Variants in DAPK2 observed in about 807,000 individuals in gnomAD.
DAPK2 encodes death-associated protein kinase 2.
A neutral mutation model predicts 44.1 loss-of-function variants in DAPK2; 35 were observed. The ratio of observed to expected loss-of-function variants is 0.79; its 90% CI spans 0.61 to 1.05. DAPK2 has a LOEUF of 1.05. Ranked by LOEUF, DAPK2 falls within the 50% of genes least tolerant of loss-of-function variation. The pLI, the probability that DAPK2 is intolerant of heterozygous loss-of-function variation, is 0.00. For synonymous variants in DAPK2, 174 were observed against 182.6 expected, an observed-to-expected ratio of 0.95 and a Z score of 0.38; for missense variants, 453 against 483.2, an observed-to-expected ratio of 0.94 and a Z score of 0.59.
chr15:63,939,170 C>T lies in DAPK2; in HGVS notation c.583+62G>A, dbSNP rs2077240436. On this transcript the variant is annotated intron_variant, in intron 4 of 10. Transcript: ENST00000261891. The surrounding 1 kb of genome is among the most constrained non-coding windows in gnomAD (Gnocchi z 4.3). ...CCATAGCCCCAGACACAGGTTTCTT[C>T]CCAGGATCCCTACCTTTGATGCCAG... 6.2e-7 allele frequency: 1 copy of T among 1,600,880 alleles called. No homozygotes were observed. Among genetic ancestry groups the T allele is most frequent in the Admixed American group, 1.7e-5 (1 of 58,456 alleles).
At position 63,990,142 on chromosome 15, in the gene DAPK2, G is replaced by T. The variant is rs539806687; in HGVS notation, c.93-6388C>A. ...AACTACCAGGGCCAAGCTGCTAAAG[G>T]CTTTGAAAGATCTATGGGCTGGGTG... On this transcript the variant is annotated intron_variant, in intron 1 of 10. Transcript: ENST00000261891. This position sits in a 1 kb window ranked among gnomAD's most constrained non-coding sequence, Gnocchi z 4.3. Among the ~76,000 whole-genome samples the T allele has an allele frequency of 6.6e-6, 1 of 152,134 alleles. No homozygotes were observed. The highest frequency in any genetic ancestry group is 1.5e-5 in the Non-Finnish European group (1 of 68,020).
intron 1 of DAPK2, among the ~76,000 whole-genome samples, chr15:64,045,365 C>T (rs552225635): frequency 6.6e-6 from 1 of 152,296 alleles, no homozygotes; most frequent in East Asian, 1.9e-4. Flanking sequence ...CAAGGCACCA[C>T]GGCCTCTTAG....
intron 10 of DAPK2, 91 bp downstream of exon 11, chr15:63,911,816 AC>A: frequency 7.7e-7 from 1 of 1,296,506 alleles, no homozygotes; most frequent in Non-Finnish European, 1.1e-6. Context: ...GTGAACACCC[AC>A]CTGCCTTGTG....
intron 1 of DAPK2, among the ~76,000 whole-genome samples, chr15:64,022,636 T>C (rs930960239): frequency 3.3e-5 from 5 of 152,066 alleles, no homozygotes; most frequent in African/African-American, 1.2e-4. Context: ...GGCAATATGG[T>C]GAGATGCCGT....
At chr15:63,971,883 G>T (rs72752984) in intron 2 of DAPK2, among the ~76,000 whole-genome samples, 52,265 of 152,116 alleles carry the variant, frequency 0.34, 9,995 homozygotes, top group Non-Finnish European at 0.43. Flanking sequence ...GATGGCAGGG[G>T]ACAAAAACAA....
chr15:64,033,799 T>C (rs2080098218), intron 1 of DAPK2, among the ~76,000 whole-genome samples: 1 of 151,940 alleles, frequency 6.6e-6, no homozygotes, highest in Admixed American at 6.6e-5. Context: ...TCCCAGCTAC[T>C]CTGGAGGCTG....
chr15:64,026,930 G>A (rs1319067091), intron 1 of DAPK2, among the ~76,000 whole-genome samples: 2 of 152,084 alleles, frequency 1.3e-5, no homozygotes, highest in Non-Finnish European at 2.9e-5. Context: ...GTTGCTATTG[G>A]AACTTCAAAA....
chr15:64,038,110 G>T (rs992743690), intron 1 of DAPK2, among the ~76,000 whole-genome samples: 4 of 152,174 alleles, frequency 2.6e-5, no homozygotes, highest in African/African-American at 9.7e-5. Context: ...CAATCCCCAG[G>T]AAACTGCTTC....
At chr15:64,040,284 C>A, upstream of DAPK2, 16 of 1,607,780 alleles carry the variant, frequency 1.0e-5, no homozygotes, top group Non-Finnish European at 1.4e-5. Flanking sequence ...TGGGAAGAAA[C>A]CTGTGGTTAG....
At chr15:63,994,280 G>C (rs1237924803) in intron 1 of DAPK2, among the ~76,000 whole-genome samples, 1 of 152,118 alleles carries the variant, frequency 6.6e-6, no homozygotes, top group Non-Finnish European at 1.5e-5. Context: ...TGAAGAACCG[G>C]GAAGTGTGAT....
chr15:64,003,467 C>A (rs1250565365), intron 1 of DAPK2, among the ~76,000 whole-genome samples: 1 of 152,256 alleles, frequency 6.6e-6, no homozygotes, highest in Non-Finnish European at 1.5e-5. Context: ...CTTCCAGCAT[C>A]ACCAGGATTC....
intron 1 of DAPK2, among the ~76,000 whole-genome samples, chr15:64,016,067 C>A (rs2079517727): frequency 6.6e-6 from 1 of 152,210 alleles, no homozygotes; most frequent in African/African-American, 2.4e-5. Flanking sequence ...AAAGCAGCCT[C>A]TGCTCTTCAG....
intron 1 of DAPK2, among the ~76,000 whole-genome samples, chr15:64,025,472 T>C (rs12900990): frequency 0.45 from 68,705 of 152,084 alleles, 18,859 homozygotes; most frequent in East Asian, 0.78. Context: ...CCTGGAAGGA[T>C]GTCAGGGCAA....
rs1455318612 is a variant in DAPK2, at chr15:63,990,725, C to T, written c.93-6971G>A. On this transcript the variant is annotated intron_variant, in intron 1 of 10. Coordinates refer to ENST00000261891, the Ensembl canonical transcript of DAPK2. The surrounding 1 kb of genome is among the most constrained non-coding windows in gnomAD (Gnocchi z 4.3). Reference sequence around the variant, plus strand: ...CTTTCCACTCTGGAGAACAATGAGCCGTGATTCCTCTGGAATTACCCTGCG... The same window carrying T: ...CTTTCCACTCTGGAGAACAATGAGCTGTGATTCCTCTGGAATTACCCTGCG... Among the ~76,000 whole-genome samples the T allele has an allele frequency of 5.9e-5, 9 of 152,144 alleles. No homozygotes were observed. The highest frequency in any genetic ancestry group is 1.7e-4 in the African/African-American group (7 of 41,410).
intron 3 of DAPK2, among the ~76,000 whole-genome samples, chr15:63,947,529 C>T (rs1284309551): frequency 1.3e-5 from 2 of 152,218 alleles, no homozygotes; most frequent in African/African-American, 4.8e-5. Flanking sequence ...GCCTTGGAAT[C>T]TGGGTTCGGA....
At chr15:64,046,475 T>A (rs1460435695), upstream of DAPK2, 6 of 179,982 alleles carry the variant, frequency 3.3e-5, no homozygotes, top group African/African-American at 1.4e-4. The surrounding 1 kb of genome is among the most constrained non-coding windows in gnomAD (Gnocchi z 5.3). Context: ...CCGAGCAGCC[T>A]AGGAGCCGAG....
chr15:63,945,826 T>C (rs954900275), intron 3 of DAPK2, among the ~76,000 whole-genome samples: 8 of 152,202 alleles, frequency 5.3e-5, no homozygotes, highest in African/African-American at 1.7e-4. Context: ...GCTGTGAAAA[T>C]TCCTACTGCT....
chr15:63,996,441 C>G (rs2078950991), intron 1 of DAPK2, among the ~76,000 whole-genome samples: 1 of 152,090 alleles, frequency 6.6e-6, no homozygotes, highest in African/African-American at 2.4e-5. Context: ...GACCCTGGCT[C>G]TAAACACAAA....
At chr15:64,001,633 C>T (rs1378101134) in intron 1 of DAPK2, among the ~76,000 whole-genome samples, 2 of 152,156 alleles carry the variant, frequency 1.3e-5, no homozygotes, top group Non-Finnish European at 2.9e-5. Flanking sequence ...CTGTACTTCC[C>T]CTCCTTTCCT....
Sources: gnomAD v4.1 joint callset for allele counts (sites outside exome capture counted in the v4.1 genomes callset) on GRCh38, gnomAD v4.1.1 for gene constraint, Gnocchi (gnomAD v3.1) non-coding constraint, MANE v1.5 for transcripts, NCBI Gene and HGNC (gene_info 2026-07-23, HGNC 2026-07-21) for gene names.